ZNF711: variants seen among roughly 807,000 people sequenced by gnomAD.
ZNF711 encodes zinc finger protein 711.
In ZNF711, 3 loss-of-function variants were observed where a neutral mutation model predicts 43.5. That is an observed-to-expected ratio of 0.07 (90% CI 0.03 to 0.18). ZNF711 has a LOEUF of 0.18. Ranked by LOEUF, ZNF711 falls within the 10% of genes least tolerant of loss-of-function variation. The pLI, the probability that ZNF711 is intolerant of heterozygous loss-of-function variation, is 1.00. For synonymous variants in ZNF711, 209 were observed against 207.7 expected (o/e 1.01, Z -0.06); for missense variants, 412 against 604.0 (o/e 0.68, Z 3.33).
chrX:85,250,649 T>C (rs184395403), intron 4 of ZNF711, among the ~76,000 whole-genome samples: 1 of 111,868 alleles, frequency 8.9e-6, no homozygotes, highest in East Asian at 2.8e-4. Flanking sequence ...TATAAATCAA[T>C]GGCAGTTAAA....
chrX:85,267,317 T>C lies in ZNF711; in HGVS notation c.956T>C (p.Ile319Thr), dbSNP rs1931172818. The C allele has an allele frequency of 3.5e-6, 4 of 1,141,236 alleles. No individual in the cohort carries two copies. Among genetic ancestry groups the C allele is most frequent in the Non-Finnish European group, 2.3e-6 (2 of 865,826 alleles). 94.1% of individuals were successfully genotyped at this position (1,141,236 alleles called of 1,213,427 possible). A position where few individuals can be genotyped will look rare whatever the true frequency, so the allele number is the denominator to read the frequency against. ...EIADEVYMEVIVGEEEGTSLP... is the reference protein window; with the variant it reads ...EIADEVYMEVTVGEEEGTSLP... ...GCAGATGAAGTTTACATGGAAGTCA[T>C]TGTAGGGGAAGAGGAAGGAACTTCT... The change falls in exon 8 of 11, where the codon ATT (isoleucine) becomes ACT (threonine). Residue 319 changes from isoleucine to threonine, a missense_variant. Physicochemically the swap from Ile to Thr is moderately conservative, Grantham distance 89. This residue lies in a region of ZNF711 where 375 missense variants were observed against 514.2 expected (regional missense o/e 0.73). Coordinates refer to ENST00000674551, the MANE Select transcript of ZNF711 (RefSeq NM_001330574.2).
chrX:85,271,629 A>C lies in ZNF711; in HGVS notation c.2225A>C (p.Lys742Thr). 1 of 1,210,682 alleles carries C rather than the reference A, an allele frequency of 8.3e-7. No homozygotes were observed. The highest frequency in any genetic ancestry group is 1.1e-6 in the Non-Finnish European group (1 of 894,830). ...CAAAATGAGCTAAAAAAACATATGA[A>C]GACCCATACTGGAAGGAAGATTTAC... ...RQQNELKKHM[K>T]THTGRKIYQC... Residue 742 changes from lysine to threonine, a missense_variant, in exon 11 of 11, where the codon AAG (lysine) becomes ACG (threonine). This residue lies in a region of ZNF711 where 25 missense variants were observed against 52.9 expected (regional missense o/e 0.47). Transcript: ENST00000674551.
At chrX:85,247,224 G>A (rs1929110968) in intron 3 of ZNF711, 36 bp downstream of exon 3, 1 of 305,806 alleles carries the variant, frequency 3.3e-6, no homozygotes, top group East Asian at 4.8e-5. Flanking sequence ...TTGTCATCTC[G>A]TTCTTCTTTT....
intron 5 of ZNF711, among the ~76,000 whole-genome samples, chrX:85,256,742 A>C (rs1451549242): frequency 1.0e-5 from 1 of 99,007 alleles, no homozygotes; most frequent in Non-Finnish European, 2.0e-5. Flanking sequence ...TTAATTGTAA[A>C]GTTTAGCATA....
chrX:85,254,378 G>A (rs1353206749), intron 4 of ZNF711, among the ~76,000 whole-genome samples: 2 of 85,472 alleles, frequency 2.3e-5, no homozygotes, highest in Non-Finnish European at 4.3e-5. Flanking sequence ...GCCGAGGCGG[G>A]TGGATCATGA....
chrX:85,269,685 T>A (rs1931406510), intron 9 of ZNF711, among the ~76,000 whole-genome samples: 1 of 112,057 alleles, frequency 8.9e-6, no homozygotes, highest in African/African-American at 3.2e-5. Flanking sequence ...AAATCCACTT[T>A]CTTATATTAC....
At chrX:85,254,765 G>T (rs1436349929) in intron 4 of ZNF711, among the ~76,000 whole-genome samples, 1 of 95,151 alleles carries the variant, frequency 1.1e-5, no homozygotes, top group African/African-American at 4.0e-5. Flanking sequence ...TCGCGCCACC[G>T]CACTCCAGCC....
At chrX:85,267,513 G>T in intron 8 of ZNF711, 98 bp downstream of exon 8, 1 of 684,505 alleles carries the variant, frequency 1.5e-6, no homozygotes, top group Non-Finnish European at 2.0e-6. Flanking sequence ...CCATGAATTG[G>T]CTAATATAAT....
At position 85,255,620 on chromosome X, in the gene ZNF711, T is replaced by C. The variant is rs757089447; in HGVS notation, c.441T>C (p.Asp147=). The C allele has an allele frequency of 1.7e-6, 2 of 1,211,694 alleles. No individual in the cohort carries two copies. Among genetic ancestry groups the C allele is most frequent in the South Asian group, 1.8e-5 (1 of 56,967 alleles). ...GACACTTAGAACATGTGGTCCAAGA[T>C]TGTGTTTCAGGAGTCGACTCTCCCA... The part of the protein sequence containing the change: ...PNGHLEHVVQ[D]CVSGVDSPTM... Residue 147 remains aspartate, a synonymous_variant, in exon 5 of 11, where the codon GAT becomes GAC. Transcript: ENST00000674551.
chrX:85,254,613 C>CAA lies in ZNF711; in HGVS notation c.80-608_80-607dup, dbSNP rs764074077. The stretch of plus-strand genomic sequence containing the variant: ...TGGGCGACAGAGCGAGACTCCGTCT[C>CAA]AAAAAAAAAAAAAAAAAAAAAAAAA... On this transcript the variant is annotated intron_variant, in intron 4 of 10. Coordinates refer to ENST00000674551, the MANE Select transcript of ZNF711 (RefSeq NM_001330574.2). Among the ~76,000 whole-genome samples the CAA allele has an allele frequency of 6.3e-3, 27 of 4,295 alleles. 7 individuals carry two copies. The highest frequency in any genetic ancestry group is 7.9e-3 in the Non-Finnish European group (22 of 2,777). The allele number at this position is 4,295 out of a possible 115,157, so 3.7% of individuals were successfully genotyped here. A position where few individuals can be genotyped will look rare whatever the true frequency, so the allele number is the denominator to read the frequency against.
chrX:85,267,122 C>T (rs1931161706), intron 7 of ZNF711, among the ~76,000 whole-genome samples, 156 bp from the exon 8 acceptor site: 1 of 110,748 alleles, frequency 9.0e-6, no homozygotes, highest in Non-Finnish European at 1.9e-5. Flanking sequence ...GTGGCACTAG[C>T]CTCCAAAAGT....
chrX:85,251,574 G>A (rs1266895709), intron 4 of ZNF711, among the ~76,000 whole-genome samples: 1 of 111,137 alleles, frequency 9.0e-6, no homozygotes, highest in African/African-American at 3.3e-5. Flanking sequence ...ATCAGGACAT[G>A]TTTCTTACTG....
At chrX:85,248,330 G>A (rs1262804379) in intron 4 of ZNF711, among the ~76,000 whole-genome samples, 1 of 108,623 alleles carries the variant, frequency 9.2e-6, no homozygotes, top group African/African-American at 3.4e-5. Flanking sequence ...TTAGCTGAGC[G>A]TGGTGGAGCA....
At chrX:85,261,906 A>G (rs12556804) in intron 5 of ZNF711, among the ~76,000 whole-genome samples, 23,755 of 110,168 alleles carry the variant, frequency 0.22, 2,454 homozygotes, top group African/African-American at 0.4. Flanking sequence ...GGGCCTTTGG[A>G]GATTTATTTC....
chrX:85,255,687 G>C lies in ZNF711; in HGVS notation c.508G>C (p.Glu170Gln), dbSNP rs772630733. The C allele has an allele frequency of 8.3e-7, 1 of 1,211,353 alleles. No individual in the cohort carries two copies. The highest frequency in any genetic ancestry group is 1.1e-6 in the Non-Finnish European group (1 of 895,378). The change falls in exon 5 of 11, where the codon GAA becomes CAA. Residue 170 changes from glutamate (E) to glutamine (Q), a missense_variant. Physicochemically the swap from Glu to Gln is conservative, Grantham distance 29. Coordinates refer to ENST00000674551, the MANE Select transcript of ZNF711 (RefSeq NM_001330574.2). The part of the protein sequence containing the change: ...EEVLVTNSDT[E>Q]TVIQAAGGVP... The stretch of plus-strand genomic sequence containing the variant: ...GGTTCTTGTAACTAATTCAGATACA[G>C]AAACTGTGATTCAAGCAGCTGGAGG...
Position 85,270,166 on chromosome X carries a change from A to C in ZNF711, c.1246+20A>C, listed in dbSNP as rs373050303. The C allele has an allele frequency of 8.4e-7, 1 of 1,194,891 alleles. No homozygotes were observed. Among genetic ancestry groups the C allele is most frequent in the Non-Finnish European group, 1.1e-6 (1 of 885,663 alleles). On this transcript the variant is annotated intron_variant, in intron 10 of 10. Transcript: ENST00000674551. ...AAACAGGTAAATACTTTGCTTTATG[A>C]ATATTATAATTATTTGAGATGTGGA...
chrX:85,247,223 C>T (rs145830072), intron 3 of ZNF711, 35 bp downstream of exon 3: 4 of 305,611 alleles, frequency 1.3e-5, no homozygotes, highest in Middle Eastern at 8.8e-4. Context: ...GTTGTCATCT[C>T]GTTCTTCTTT....
chrX:85,270,184 G>C, intron 10 of ZNF711, 38 bp downstream of exon 10: 9 of 1,175,265 alleles, frequency 7.7e-6, no homozygotes, highest in Non-Finnish European at 1.0e-5. Flanking sequence ...AATTATTTGA[G>C]ATGTGGAAGT....
rs1931428364 is a variant in ZNF711, at chrX:85,269,891, A to G, written c.1103-112A>G. 1.1e-5 allele frequency: 8 copies of G among 756,933 alleles called. No homozygotes were observed. In the South Asian group the frequency reaches 1.8e-4, roughly 17 times the overall value. 62.4% of individuals were successfully genotyped at this position (756,933 alleles called of 1,213,427 possible). A position where few individuals can be genotyped will look rare whatever the true frequency, so the allele number is the denominator to read the frequency against. On this transcript the variant is annotated intron_variant, in intron 9 of 10. Coordinates refer to ENST00000674551, the MANE Select transcript of ZNF711 (RefSeq NM_001330574.2). ...TCATAAGATGGATATACTTTGTGAA[A>G]TTTACTACCAGAGTGGTAACTTGGT...
Sources: gnomAD v4.1 joint callset for allele counts (sites outside exome capture counted in the v4.1 genomes callset) on GRCh38, gnomAD v4.1.1 for gene constraint, gnomAD v4.1.1 regional missense constraint, MANE v1.5 for transcripts, NCBI Gene and HGNC (gene_info 2026-07-23, HGNC 2026-07-21) for gene names.